The following ANO4 variants were observed in gnomAD, a reference collection of about 807,000 sequenced individuals.
ANO4 encodes the protein anoctamin-4.
In ANO4, 69 loss-of-function variants were observed where a neutral mutation model predicts 141.9. The ratio of observed to expected loss-of-function variants is 0.49; its 90% CI spans 0.40 to 0.59. ANO4 has a LOEUF of 0.59. ANO4 is among the 20% of genes least tolerant of loss of function. ANO4 has a pLI of 0.00. For synonymous variants in ANO4, 350 were observed against 394.3 expected, an observed-to-expected ratio of 0.89 and a Z score of 1.33; for missense variants, 894 against 1,162.2, an observed-to-expected ratio of 0.77 and a Z score of 3.36.
intron 3 of ANO4, among the ~76,000 whole-genome samples, chr12:100,748,790 G>A (rs991658635): frequency 2.0e-5 from 3 of 151,116 alleles, no homozygotes; most frequent in African/African-American, 7.3e-5. Context: ...ATTGAGCATT[G>A]TATATGATTT....
intron 1 of ANO4, chr12:100,733,754 G>T: frequency 1.4e-6 from 1 of 696,206 alleles, no homozygotes. Context: ...TAACCTTCTT[G>T]TCTTTTATTT....
chr12:101,007,355 C>T (rs1005738811), intron 8 of ANO4, among the ~76,000 whole-genome samples: 2 of 152,062 alleles, frequency 1.3e-5, no homozygotes, highest in African/African-American at 4.8e-5. Flanking sequence ...ATCTCAAAAA[C>T]ATTTAAATGA....
chr12:100,851,694 T>C (rs1396139384), intron 1 of ANO4, among the ~76,000 whole-genome samples: 1 of 151,892 alleles, frequency 6.6e-6, no homozygotes. Context: ...ATGTATCAGG[T>C]GGTGGGAAAT....
intron 1 of ANO4, among the ~76,000 whole-genome samples, chr12:100,719,356 C>G (rs555163898): frequency 1.1e-4 from 16 of 152,246 alleles, no homozygotes; most frequent in South Asian, 2.1e-4. Flanking sequence ...ACCTAGTGAA[C>G]AAGTTAAGGA....
chr12:100,788,079 G>T lies in ANO4; in HGVS notation c.358+47974G>T, dbSNP rs1249543418. On this transcript the variant is annotated intron_variant, in intron 3 of 29. Coordinates refer to the ANO4 transcript ENST00000644049. ...GATTGCCATGGTTATTTATTTATTA[G>T]GCCTCCTCTAAGGCTAGGCCAATGA... Among the ~76,000 whole-genome samples the T allele has an allele frequency of 2.6e-5, 4 of 152,104 alleles. No homozygotes were observed. In the East Asian group the frequency reaches 7.7e-4, roughly 29 times the overall value.
chr12:100,728,237 C>T (rs1245516640), intron 1 of ANO4, among the ~76,000 whole-genome samples: 1 of 152,004 alleles, frequency 6.6e-6, no homozygotes, highest in African/African-American at 2.4e-5. Context: ...GCTTTATTTT[C>T]TTTTGTTATA....
At chr12:101,101,686 G>GAA (rs796861084) in intron 22 of ANO4, among the ~76,000 whole-genome samples, 3 of 143,930 alleles carry the variant, frequency 2.1e-5, no homozygotes, top group Admixed American at 7.0e-5. Context: ...CTTGAGTCAG[G>GAA]AAAAAAAAAA....
intron 5 of ANO4, among the ~76,000 whole-genome samples, chr12:100,958,717 G>A (rs1459867186): frequency 1.3e-5 from 2 of 152,096 alleles, no homozygotes; most frequent in Non-Finnish European, 2.9e-5. Flanking sequence ...GTGTATTGGT[G>A]CATGCCTGTA....
At chr12:100,975,356 C>T (rs1258112774) in intron 7 of ANO4, among the ~76,000 whole-genome samples, 2 of 151,836 alleles carry the variant, frequency 1.3e-5, no homozygotes, top group African/African-American at 2.4e-5. Flanking sequence ...TCAAAAATCC[C>T]AATATCTTTG....
chr12:100,806,836 T>C (rs11611448), intron 1 of ANO4, among the ~76,000 whole-genome samples: 112,236 of 151,860 alleles, frequency 0.74, 41,911 homozygotes, highest in East Asian at 0.94. Flanking sequence ...GCCACTGCGC[T>C]GTCCAGGAGC....
intron 15 of ANO4, 75 bp from the exon 16 acceptor site, chr12:101,083,603 G>T: frequency 1.3e-6 from 2 of 1,512,664 alleles, no homozygotes; most frequent in Non-Finnish European, 1.8e-6. Flanking sequence ...TTTTATGGTG[G>T]GGTAAAATGA....
intron 5 of ANO4, among the ~76,000 whole-genome samples, chr12:100,952,919 C>T (rs952690614): frequency 4.6e-5 from 7 of 152,146 alleles, no homozygotes; most frequent in South Asian, 2.1e-4. Context: ...CAAATCAACA[C>T]GTATTTCATA....
chr12:101,056,647 A>G (rs928244294), intron 14 of ANO4, among the ~76,000 whole-genome samples: 1 of 152,062 alleles, frequency 6.6e-6, no homozygotes, highest in African/African-American at 2.4e-5. Flanking sequence ...TGTACTAGAC[A>G]TCCTTGCCTT....
intron 1 of ANO4, among the ~76,000 whole-genome samples, chr12:100,877,668 T>C (rs2135946367): frequency 6.6e-6 from 1 of 152,224 alleles, no homozygotes; most frequent in South Asian, 2.1e-4. Context: ...TTTGAGATTT[T>C]GTGAATATCC....
intron 14 of ANO4, among the ~76,000 whole-genome samples, chr12:101,061,721 T>C (rs1241757522): frequency 6.6e-6 from 1 of 152,000 alleles, no homozygotes; most frequent in African/African-American, 2.4e-5. Context: ...TGCTGTGTTT[T>C]TCAGCTCCAT....
At chr12:100,799,574 T>A (rs2034554663) in intron 1 of ANO4, among the ~76,000 whole-genome samples, 1 of 151,974 alleles carries the variant, frequency 6.6e-6, no homozygotes, top group South Asian at 2.1e-4. Flanking sequence ...AAACTCCATC[T>A]TACGAAAAAT....
At chr12:101,066,621 G>A (rs2048599772) in intron 14 of ANO4, 2 of 522,476 alleles carry the variant, frequency 3.8e-6, no homozygotes, top group South Asian at 2.7e-5. Context: ...TTCTAGAGAT[G>A]CCCTGCTGGG....
chr12:101,095,581 C>A (rs1420519430), intron 18 of ANO4, among the ~76,000 whole-genome samples: 1 of 152,160 alleles, frequency 6.6e-6, no homozygotes, highest in Admixed American at 6.5e-5. Flanking sequence ...CATTTTAAAT[C>A]AGATTTACTT....
chr12:100,938,728 G>T (rs2042387520), intron 3 of ANO4, among the ~76,000 whole-genome samples: 2 of 152,084 alleles, frequency 1.3e-5, no homozygotes, highest in Admixed American at 1.3e-4. Flanking sequence ...CTTCTGAATG[G>T]CTCACTTCAT....
Sources: allele counts gnomAD v4.1 joint callset (sites outside exome capture counted in the v4.1 genomes callset), GRCh38; gene constraint gnomAD v4.1.1; transcripts MANE v1.5; gene names NCBI Gene and HGNC (gene_info 2026-07-23, HGNC 2026-07-21).